Variants in VPS13B observed in about 807,000 individuals in gnomAD.
VPS13B encodes the protein intermembrane lipid transfer protein VPS13B.
Under a neutral mutation model 426.4 loss-of-function variants are expected in VPS13B, and 285 were observed. The ratio of observed to expected loss-of-function variants is 0.67; its 90% CI spans 0.61 to 0.74. The LOEUF (loss-of-function observed/expected upper bound fraction) is 0.74, where lower values mean the gene tolerates loss of function less well. VPS13B is among the 30% of genes least tolerant of loss of function. The pLI is 0.00. For synonymous variants in VPS13B, 1,676 were observed against 1,676.4 expected (o/e 1.00, Z 0.01); for missense variants, 4,537 against 4,782.6 (o/e 0.95, Z 1.51).
chr8:99,837,266 G>T (rs554898123), intron 54 of VPS13B, among the ~76,000 whole-genome samples: 11 of 152,232 alleles, frequency 7.2e-5, no homozygotes, highest in African/African-American at 2.6e-4. Flanking sequence ...GGAGACCTGC[G>T]TTTGTAGTGG....
At chr8:99,303,258 CAAA>C (rs757187342) in intron 19 of VPS13B, among the ~76,000 whole-genome samples, 22 of 57,298 alleles carry the variant, frequency 3.8e-4, no homozygotes, top group Middle Eastern at 0.033. Context: ...CAGCCTGTCT[CAAA>C]AAAAAAAAAA....
intron 54 of VPS13B, 43 bp downstream of exon 54, chr8:99,835,781 C>A: frequency 6.2e-7 from 1 of 1,602,788 alleles, no homozygotes; most frequent in Non-Finnish European, 8.5e-7. Context: ...AAGAAAAATG[C>A]CCTTTTCTGA....
At chr8:99,028,686 C>T (rs1842301770) in intron 2 of VPS13B, among the ~76,000 whole-genome samples, 1 of 141,938 alleles carries the variant, frequency 7.0e-6, no homozygotes, top group Non-Finnish European at 1.6e-5. Flanking sequence ...CCCCCACCTC[C>T]CTCCCGGACG....
chr8:99,585,527 A>G (rs1826260224), intron 33 of VPS13B, among the ~76,000 whole-genome samples: 1 of 152,188 alleles, frequency 6.6e-6, no homozygotes, highest in East Asian at 1.9e-4. Context: ...GGTTGGTTTA[A>G]TATCTGAAAA....
chr8:99,382,907 A>G (rs1813897192), intron 19 of VPS13B, among the ~76,000 whole-genome samples: 1 of 152,168 alleles, frequency 6.6e-6, no homozygotes, highest in Non-Finnish European at 1.5e-5. Flanking sequence ...TTCAAGGGGA[A>G]TGCATCAGCT....
At position 99,490,608 on chromosome 8, in the gene VPS13B, C is replaced by A. The variant is rs181535077; in HGVS notation, c.3870+8806C>A. ...GTTATTGGTCTATTCAGAGATTCGA[C>A]TTCTTCCTGGTTTAGTCTTGGGAGG... On this transcript the variant is annotated intron_variant, in intron 25 of 61. Coordinates refer to ENST00000357162, the MANE Select transcript of VPS13B (RefSeq NM_152564.5). Among the ~76,000 whole-genome samples, 47 of 152,300 alleles carry A rather than the reference C, an allele frequency of 3.1e-4. 1 individual carries two copies. In the East Asian group the frequency reaches 9.1e-3, roughly 29 times the overall value.
chr8:99,876,733 T>C lies in VPS13B; in HGVS notation c.*1067T>C, dbSNP rs1160235367. On this transcript the variant is annotated 3_prime_UTR_variant, in exon 62 of 62. Coordinates refer to ENST00000357162, the MANE Select transcript of VPS13B (RefSeq NM_152564.5). ...ATGTCTTAAATGTTCAGTAAATATCTTTCTTACAGTCCAGTAGCTTAGAGC... is the reference window on the plus strand; with the variant it reads ...ATGTCTTAAATGTTCAGTAAATATCCTTCTTACAGTCCAGTAGCTTAGAGC... 6.6e-6 allele frequency: 1 copy of C among 152,254 alleles called. No individual in the cohort carries two copies. The highest frequency in any genetic ancestry group is 1.5e-5 in the Non-Finnish European group (1 of 68,046). 9.4% of individuals were successfully genotyped at this position (152,254 alleles called of 1,614,324 possible). A position where few individuals can be genotyped will look rare whatever the true frequency, so the allele number is the denominator to read the frequency against.
intron 33 of VPS13B, among the ~76,000 whole-genome samples, chr8:99,596,802 A>G (rs2133849702): frequency 6.6e-6 from 1 of 152,154 alleles, no homozygotes; most frequent in East Asian, 1.9e-4. Flanking sequence ...AGTATTTTAC[A>G]TGTGCCCTGC....
chr8:99,019,709 A>C (rs1233324990), intron 2 of VPS13B, among the ~76,000 whole-genome samples: 1 of 152,180 alleles, frequency 6.6e-6, no homozygotes, highest in Non-Finnish European at 1.5e-5. Context: ...GACTATTTTA[A>C]GTACTTCATA....
chr8:99,538,873 G>A (rs988204907), intron 30 of VPS13B, among the ~76,000 whole-genome samples: 7 of 152,064 alleles, frequency 4.6e-5, no homozygotes, highest in African/African-American at 1.7e-4. Flanking sequence ...TAGTTTAATT[G>A]ACTTTATCAT....
At chr8:99,135,834 T>G in intron 11 of VPS13B, 101 bp downstream of exon 11, 1 of 1,478,962 alleles carries the variant, frequency 6.8e-7, no homozygotes, top group Non-Finnish European at 9.3e-7. Flanking sequence ...TAATGCCTTC[T>G]GAATGCTAAT....
intron 33 of VPS13B, among the ~76,000 whole-genome samples, chr8:99,599,066 T>C (rs1827159933): frequency 6.6e-6 from 1 of 151,998 alleles, no homozygotes; most frequent in East Asian, 1.9e-4. Context: ...TCTACAACTA[T>C]CTAAAGAATA....
intron 39 of VPS13B, among the ~76,000 whole-genome samples, chr8:99,751,700 A>T (rs769867409): frequency 4.6e-5 from 7 of 152,212 alleles, no homozygotes; most frequent in Non-Finnish European, 7.3e-5. Flanking sequence ...GTTACATATA[A>T]AATCACTTTC....
chr8:99,143,528 A>G (rs1313641251), intron 13 of VPS13B, among the ~76,000 whole-genome samples: 1 of 152,210 alleles, frequency 6.6e-6, no homozygotes, highest in Non-Finnish European at 1.5e-5. Context: ...CATTGAAGAA[A>G]ACTTAGGCAC....
chr8:99,605,747 G>A (rs1827536966), intron 33 of VPS13B, among the ~76,000 whole-genome samples: 1 of 152,130 alleles, frequency 6.6e-6, no homozygotes, highest in Non-Finnish European at 1.5e-5. Context: ...ATTCTCCAGG[G>A]CAGGTGGGTG....
At chr8:99,518,023 T>C (rs1432237710) in intron 29 of VPS13B, among the ~76,000 whole-genome samples, 36 of 152,128 alleles carry the variant, frequency 2.4e-4, no homozygotes, top group Admixed American at 2.4e-3. Context: ...CATTAAGTGC[T>C]CTTTTTTTTA....
chr8:99,642,227 C>T lies in VPS13B; in HGVS notation c.5637C>T (p.Ser1879=). The part of the protein sequence containing the change: ...TVTAEDLLRS[S]ISFPSGKKIG... Reference sequence around the variant, plus strand: ...CAGCAGAAGATCTCTTAAGGAGCAGCATTTCTTTTCCTTCAGGGAAAAAAA... The same window carrying T: ...CAGCAGAAGATCTCTTAAGGAGCAGTATTTCTTTTCCTTCAGGGAAAAAAA... Residue 1879 remains serine (S), a synonymous_variant, in exon 34 of 62, where the codon AGC becomes AGT. Transcript: ENST00000357162. 6.2e-7 allele frequency: 1 copy of T among 1,614,156 alleles called. No homozygotes were observed. The highest frequency in any genetic ancestry group is 8.5e-7 in the Non-Finnish European group (1 of 1,180,024).
intron 23 of VPS13B, among the ~76,000 whole-genome samples, chr8:99,463,280 ATTTC>A (rs1818932048): frequency 6.6e-6 from 1 of 152,222 alleles, no homozygotes; most frequent in Non-Finnish European, 1.5e-5. Context: ...AGAGTATTAT[ATTTC>A]TTTATGAATA....
At chr8:99,277,837 AT>A (rs1207251733) in intron 19 of VPS13B, among the ~76,000 whole-genome samples, 4 of 152,218 alleles carry the variant, frequency 2.6e-5, no homozygotes, top group Admixed American at 2.6e-4. Context: ...TGTTCCCAGC[AT>A]CTAGACCAAT....
Sources: allele counts gnomAD v4.1 joint callset (sites outside exome capture counted in the v4.1 genomes callset), GRCh38; gene constraint gnomAD v4.1.1; transcripts MANE v1.5; gene names NCBI Gene and HGNC (gene_info 2026-07-23, HGNC 2026-07-21).